The following CERS6 variants were observed in gnomAD, a reference collection of about 807,000 sequenced individuals.
The protein encoded by CERS6 is LAG1 homolog, ceramide synthase 6.
In CERS6, 26 loss-of-function variants were observed where a neutral mutation model predicts 56.8. The ratio of observed to expected loss-of-function variants is 0.46; its 90% CI spans 0.34 to 0.63. The LOEUF is 0.63. Ranked by LOEUF, CERS6 falls within the 30% of genes least tolerant of loss-of-function variation. CERS6 has a pLI of 0.01. For missense variants in CERS6, 415 were observed against 467.5 expected (o/e 0.89, Z 1.04); for synonymous variants, 164 against 173.3 (o/e 0.95, Z 0.42).
intron 4 of CERS6, among the ~76,000 whole-genome samples, chr2:168,631,704 ATT>A (rs1684742282): frequency 9.0e-6 from 1 of 110,752 alleles, no homozygotes; most frequent in Non-Finnish European, 1.7e-5. Flanking sequence ...TTTAATTTAT[ATT>A]TATATTATAT....
At chr2:168,529,027 AG>A (rs1695119944) in intron 1 of CERS6, among the ~76,000 whole-genome samples, 1 of 152,202 alleles carries the variant, frequency 6.6e-6, no homozygotes, top group African/African-American at 2.4e-5. Flanking sequence ...TAATAGGGTG[AG>A]GGGTTATGGA....
intron 1 of CERS6, among the ~76,000 whole-genome samples, chr2:168,473,565 A>G (rs1370637910): frequency 6.6e-6 from 1 of 152,222 alleles, no homozygotes; most frequent in Non-Finnish European, 1.5e-5. Context: ...TTTCTAGGGC[A>G]TTAATTTTAA....
chr2:168,744,324 A>G (rs1187214361), intron 8 of CERS6, among the ~76,000 whole-genome samples: 1 of 152,006 alleles, frequency 6.6e-6, no homozygotes, highest in Non-Finnish European at 1.5e-5. Flanking sequence ...TTTTCTGGTT[A>G]GGAATCATTC....
chr2:168,522,024 TG>T (rs1419221681), intron 1 of CERS6, among the ~76,000 whole-genome samples: 1 of 152,220 alleles, frequency 6.6e-6, no homozygotes, highest in Non-Finnish European at 1.5e-5. Flanking sequence ...TTCGTGTGCC[TG>T]GGTAGTGATT....
intron 1 of CERS6, among the ~76,000 whole-genome samples, chr2:168,519,116 T>G (rs1291664275): frequency 6.6e-6 from 1 of 152,230 alleles, no homozygotes; most frequent in Non-Finnish European, 1.5e-5. Context: ...TAAGGATTTT[T>G]AACTAATTGA....
intron 8 of CERS6, among the ~76,000 whole-genome samples, chr2:168,729,601 G>A (rs1683460319): frequency 1.3e-5 from 2 of 152,170 alleles, no homozygotes; most frequent in Admixed American, 1.3e-4. Flanking sequence ...CAGAATCCCA[G>A]AGTGCAGGGC....
chr2:168,628,697 G>T (rs551661420), intron 3 of CERS6, among the ~76,000 whole-genome samples: 98 of 152,312 alleles, frequency 6.4e-4, no homozygotes, highest in African/African-American at 2.2e-3. Flanking sequence ...TACAGATTTT[G>T]CATTTCTATA....
intron 3 of CERS6, among the ~76,000 whole-genome samples, chr2:168,617,847 G>A (rs1817155): frequency 0.99 from 151,383 of 152,328 alleles, 75,231 homozygotes; most frequent in East Asian, 1. Flanking sequence ...ATTCCACAAG[G>A]TAGAGAAAGA....
Position 168,520,598 on chromosome 2 carries a change from C to CTTTTTTTTTTTTTTTTT in CERS6, c.171-26985_171-26969dup, listed in dbSNP as rs150724635. ...TTAACTCTTTAACATTTACAATATC[C>CTTTTTTTTTTTTTTTTT]TTTTTTTTTTTTTTTTTTTTTTTTT... On this transcript the variant is annotated intron_variant, in intron 1 of 9. Transcript: ENST00000305747. Among the ~76,000 whole-genome samples the CTTTTTTTTTTTTTTTTT allele has an allele frequency of 5.1e-3, 297 of 57,904 alleles. 55 individuals carry two copies. The highest frequency in any genetic ancestry group is 0.019 in the Middle Eastern group (1 of 54). The allele number at this position is 57,904 out of a possible 152,430, so 38.0% of individuals were successfully genotyped here.
chr2:168,744,919 T>G (rs763382446), intron 8 of CERS6, among the ~76,000 whole-genome samples: 2 of 152,184 alleles, frequency 1.3e-5, no homozygotes, highest in Non-Finnish European at 2.9e-5. Context: ...GTTTAAAAAT[T>G]CCAATGCCCA....
chr2:168,662,793 G>A (rs994206239), intron 4 of CERS6, among the ~76,000 whole-genome samples: 11 of 152,218 alleles, frequency 7.2e-5, no homozygotes, highest in Non-Finnish European at 1.6e-4. Context: ...GGGTCCAGCA[G>A]CCTAGCTTCC....
At chr2:168,554,134 C>A (rs960784577) in intron 2 of CERS6, among the ~76,000 whole-genome samples, 3 of 151,228 alleles carry the variant, frequency 2.0e-5, no homozygotes, top group African/African-American at 7.3e-5. Context: ...TATGGATAAC[C>A]ACTAGAACAA....
intron 6 of CERS6, among the ~76,000 whole-genome samples, chr2:168,704,820 G>A (rs538588004): frequency 2.0e-5 from 3 of 152,102 alleles, no homozygotes; most frequent in Non-Finnish European, 2.9e-5. Flanking sequence ...GGATGGTCTC[G>A]ATCTCCTGAC....
At chr2:168,763,894 T>C (rs1437618737) in intron 8 of CERS6, among the ~76,000 whole-genome samples, 2 of 152,174 alleles carry the variant, frequency 1.3e-5, no homozygotes, top group African/African-American at 4.8e-5. Context: ...GCAGGTGCTG[T>C]GCTTCTCTGT....
At chr2:168,674,257 A>G (rs1685997388) in intron 4 of CERS6, among the ~76,000 whole-genome samples, 2 of 152,214 alleles carry the variant, frequency 1.3e-5, no homozygotes, top group Non-Finnish European at 1.5e-5. Flanking sequence ...TTAGACCTTA[A>G]CTCAACATAA....
chr2:168,719,057 G>A (rs921918145), intron 8 of CERS6, among the ~76,000 whole-genome samples: 1 of 152,138 alleles, frequency 6.6e-6, no homozygotes, highest in Admixed American at 6.5e-5. Context: ...GTTTAGGTGT[G>A]GACTTTAAAA....
At chr2:168,527,276 C>A (rs1695087296) in intron 1 of CERS6, among the ~76,000 whole-genome samples, 1 of 152,140 alleles carries the variant, frequency 6.6e-6, no homozygotes, top group Non-Finnish European at 1.5e-5. Context: ...ACAGAGATTT[C>A]CCATATCCCT....
chr2:168,464,370 G>A (rs1414877414), intron 1 of CERS6, among the ~76,000 whole-genome samples: 4 of 151,846 alleles, frequency 2.6e-5, no homozygotes, highest in African/African-American at 7.3e-5. Context: ...CATGTTGGCC[G>A]GGCTAGTTTC....
chr2:168,524,844 G>C (rs936100508), intron 1 of CERS6, among the ~76,000 whole-genome samples: 1 of 150,602 alleles, frequency 6.6e-6, no homozygotes, highest in Non-Finnish European at 1.5e-5. Context: ...ATTAATTATA[G>C]TATATATTAA....
Sources: allele counts gnomAD v4.1 joint callset (sites outside exome capture counted in the v4.1 genomes callset), GRCh38; gene constraint gnomAD v4.1.1; transcripts MANE v1.5; gene names NCBI Gene and HGNC (gene_info 2026-07-23, HGNC 2026-07-21).